Variants in SMYD3 observed in about 807,000 individuals in gnomAD.
The protein encoded by SMYD3 is SET and MYND domain containing 3, also known as histone-lysine N-methyltransferase SMYD3.
SMYD3 carries 36 observed loss-of-function variants against 57.7 expected under a neutral mutation model. That is an observed-to-expected ratio of 0.62 (90% CI 0.48 to 0.82). The LOEUF (loss-of-function observed/expected upper bound fraction) is 0.82. Ranked by LOEUF, SMYD3 falls within the 40% of genes least tolerant of loss-of-function variation. The probability of loss-of-function intolerance (pLI) is 0.00; values close to 1 mark genes in which losing one functional copy is unlikely to be tolerated. For synonymous variants in SMYD3, 211 were observed against 195.0 expected, an observed-to-expected ratio of 1.08 and a Z score of -0.68; for missense variants, 515 against 538.8, an observed-to-expected ratio of 0.96 and a Z score of 0.44.
chr1:246,501,670 G>C (rs551323476), intron 1 of SMYD3, among the ~76,000 whole-genome samples: 2 of 151,988 alleles, frequency 1.3e-5, no homozygotes, highest in African/African-American at 4.8e-5. Flanking sequence ...TCAACTTCCC[G>C]TCCCCTCTCT....
intron 5 of SMYD3, among the ~76,000 whole-genome samples, chr1:246,182,448 A>C (rs1417030510): frequency 6.6e-6 from 1 of 152,292 alleles, no homozygotes; most frequent in East Asian, 1.9e-4. Context: ...CACAGTAAAA[A>C]GGACAACTGG....
chr1:246,311,673 A>G (rs1366101625), intron 5 of SMYD3, among the ~76,000 whole-genome samples: 2 of 152,168 alleles, frequency 1.3e-5, no homozygotes, highest in Non-Finnish European at 2.9e-5. Flanking sequence ...GCGCACACAC[A>G]CGCACACACA....
At chr1:246,137,772 C>T (rs559297298) in intron 5 of SMYD3, among the ~76,000 whole-genome samples, 142 of 152,228 alleles carry the variant, frequency 9.3e-4, no homozygotes, top group African/African-American at 3.1e-3. Flanking sequence ...GCGGAAGTAG[C>T]GGGTTATAGG....
chr1:246,037,707 G>C (rs1432882610), intron 5 of SMYD3, among the ~76,000 whole-genome samples: 2 of 152,164 alleles, frequency 1.3e-5, no homozygotes, highest in Non-Finnish European at 2.9e-5. Context: ...CCAAAATCCT[G>C]CCCTCACCTC....
intron 1 of SMYD3, among the ~76,000 whole-genome samples, chr1:246,452,527 T>C (rs1469635984): frequency 1.3e-5 from 2 of 152,008 alleles, no homozygotes; most frequent in Non-Finnish European, 2.9e-5. Context: ...AAAGACTCAT[T>C]TATAAATATT....
rs553557121 is a variant in SMYD3, at chr1:245,852,426, G to A, written c.1076+6070C>T. Among the ~76,000 whole-genome samples the A allele has an allele frequency of 1.5e-3, 234 of 152,330 alleles. 2 individuals carry two copies. Among genetic ancestry groups the A allele is most frequent in the Non-Finnish European group, 3.0e-3 (202 of 68,034 alleles). ...AGCAAGGTGATTAGGGCTAAAGGAA[G>A]TCAAGGTACTTTAGAGGAGTAGATG... On this transcript the variant is annotated intron_variant, in intron 10 of 11. Transcript: ENST00000490107.
intron 5 of SMYD3, among the ~76,000 whole-genome samples, chr1:246,324,370 G>A (rs1409710363): frequency 2.0e-5 from 3 of 146,652 alleles, no homozygotes; most frequent in African/African-American, 7.7e-5. Flanking sequence ...AGCCGATGTT[G>A]CGCCACTGCA....
At chr1:245,954,077 T>C (rs554706278) in intron 5 of SMYD3, among the ~76,000 whole-genome samples, 2 of 152,328 alleles carry the variant, frequency 1.3e-5, no homozygotes, top group African/African-American at 4.8e-5. Context: ...ATCAGGTACT[T>C]TTCCACATTA....
At chr1:246,088,986 T>C (rs2060775130) in intron 5 of SMYD3, among the ~76,000 whole-genome samples, 1 of 152,164 alleles carries the variant, frequency 6.6e-6, no homozygotes, top group East Asian at 1.9e-4. Flanking sequence ...TTATTTGAGA[T>C]GATCTTTTAT....
At chr1:246,290,225 T>A (rs2064661755) in intron 5 of SMYD3, among the ~76,000 whole-genome samples, 1 of 152,172 alleles carries the variant, frequency 6.6e-6, no homozygotes, top group Non-Finnish European at 1.5e-5. Context: ...CCATAGTTCA[T>A]CTTCTGTCAC....
chr1:246,446,994 A>C (rs1372971531), intron 1 of SMYD3, among the ~76,000 whole-genome samples: 7 of 148,126 alleles, frequency 4.7e-5, no homozygotes, highest in Non-Finnish European at 8.9e-5. Context: ...GTGCCACTGC[A>C]CTCCAGCCTC....
chr1:246,014,295 C>T lies in SMYD3; in HGVS notation c.532-84358G>A, dbSNP rs934694036. Among the ~76,000 whole-genome samples, 8 of 152,282 alleles carry T rather than the reference C, an allele frequency of 5.3e-5. No homozygotes were observed. The East Asian group carries it at 1.5e-3, about 29-fold the overall frequency. On this transcript the variant is annotated intron_variant, in intron 5 of 11. Transcript: ENST00000490107. ...CGAGATTGCGGCATTGCACTCCAGG[C>T]TGGGTGAAGAACAAGACTGTCTCAA...
chr1:246,357,647 A>T (rs912611404), intron 1 of SMYD3, among the ~76,000 whole-genome samples: 10 of 152,144 alleles, frequency 6.6e-5, no homozygotes, highest in African/African-American at 2.4e-4. Flanking sequence ...GCTAGAAGGG[A>T]TTGGGGTCCT....
chr1:246,292,558 A>T (rs1266959711), intron 5 of SMYD3, among the ~76,000 whole-genome samples: 1 of 152,252 alleles, frequency 6.6e-6, no homozygotes, highest in Admixed American at 6.5e-5. Context: ...AGCAGATATG[A>T]TCACTATATG....
chr1:245,798,111 A>G (rs192318087), intron 10 of SMYD3, among the ~76,000 whole-genome samples: 74 of 149,140 alleles, frequency 5.0e-4, no homozygotes, highest in Non-Finnish European at 8.8e-4. Flanking sequence ...AAAATATGCA[A>G]CTCTTGGCTA....
intron 10 of SMYD3, among the ~76,000 whole-genome samples, chr1:245,851,480 T>C (rs935253487): frequency 1.3e-5 from 2 of 152,076 alleles, no homozygotes; most frequent in African/African-American, 2.4e-5. Flanking sequence ...CCAAATGATA[T>C]CTCTTGCTCT....
At chr1:246,348,406 A>T (rs911385155) in intron 2 of SMYD3, among the ~76,000 whole-genome samples, 17 of 151,786 alleles carry the variant, frequency 1.1e-4, no homozygotes, top group African/African-American at 4.1e-4. Flanking sequence ...CCAGAGCAAG[A>T]CTCTGTCTCG....
At chr1:245,990,738 C>T (rs868026673) in intron 5 of SMYD3, among the ~76,000 whole-genome samples, 2 of 152,188 alleles carry the variant, frequency 1.3e-5, no homozygotes, top group South Asian at 2.1e-4. Context: ...CAGAAGGAGC[C>T]GGCCCTGCCA....
At chr1:246,046,790 T>G (rs891796272) in intron 5 of SMYD3, among the ~76,000 whole-genome samples, 5 of 151,314 alleles carry the variant, frequency 3.3e-5, no homozygotes, top group African/African-American at 9.7e-5. Context: ...CCAACTCTAA[T>G]AAGAGAATGT....
Sources: allele counts gnomAD v4.1 joint callset (sites outside exome capture counted in the v4.1 genomes callset), GRCh38; gene constraint gnomAD v4.1.1; transcripts MANE v1.5; gene names NCBI Gene and HGNC (gene_info 2026-07-23, HGNC 2026-07-21).